The following ROCK2 variants were observed in gnomAD, a reference collection of about 807,000 sequenced individuals.
ROCK2 encodes the protein Rho associated coiled-coil containing protein kinase 2.
ROCK2 carries 61 observed loss-of-function variants against 195.1 expected under a neutral mutation model. The ratio of observed to expected loss-of-function variants is 0.31; its 90% CI spans 0.25 to 0.39. The LOEUF is 0.39. Ranked by LOEUF, ROCK2 falls within the 10% of genes least tolerant of loss-of-function variation. ROCK2 has a pLI of 1.00. For synonymous variants in ROCK2, 504 were observed against 545.5 expected, an observed-to-expected ratio of 0.92 and a Z score of 1.06; for missense variants, 1,109 against 1,637.4, an observed-to-expected ratio of 0.68 and a Z score of 5.57.
At chr2:11,194,901 TAG>T (rs1572225818) in intron 28 of ROCK2, 52 bp downstream of exon 28, 10 of 1,013,624 alleles carry the variant, frequency 9.9e-6, no homozygotes, top group African/African-American at 1.6e-5. Context: ...GCCAAATGAC[TAG>T]AGTTAAAACA....
At chr2:11,189,091 C>T (rs1388854886) in intron 32 of ROCK2, among the ~76,000 whole-genome samples, 1 of 151,510 alleles carries the variant, frequency 6.6e-6, no homozygotes, top group African/African-American at 2.4e-5. Flanking sequence ...TGGCAGATGA[C>T]CACAAAGAAA....
At chr2:11,342,006 TACC>T (rs1390126210) in intron 1 of ROCK2, among the ~76,000 whole-genome samples, 1 of 152,172 alleles carries the variant, frequency 6.6e-6, no homozygotes, top group Admixed American at 6.5e-5. Context: ...CTGTATACGC[TACC>T]ACAATAAAAA....
chr2:11,283,743 A>G (rs1438618073), intron 3 of ROCK2, among the ~76,000 whole-genome samples: 1 of 152,360 alleles, frequency 6.6e-6, no homozygotes, highest in Non-Finnish European at 1.5e-5. Flanking sequence ...TTTGTCAGTT[A>G]TAACAGCGAC....
rs70953379 is a variant in ROCK2 at position 11,275,695 on chromosome 2, C to CTTT, written c.324+10841_324+10843dup. Among the ~76,000 whole-genome samples, 66 of 110,158 alleles carry CTTT rather than the reference C, an allele frequency of 6.0e-4. 1 individual carries two copies. The highest frequency in any genetic ancestry group is 7.9e-4 in the Non-Finnish European group (44 of 55,706). 72.3% of individuals were successfully genotyped at this position (110,158 alleles called of 152,430 possible). ...AACACATTTCACAAAATTCAACAAT[C>CTTT]TTTTTTTTTTTTTTTTTTTTTTGAG... On this transcript the variant is annotated intron_variant, in intron 3 of 32. Coordinates refer to ENST00000315872, the MANE Select transcript of ROCK2 (RefSeq NM_004850.5).
chr2:11,247,693 T>A (rs561470500), intron 4 of ROCK2, among the ~76,000 whole-genome samples: 1 of 152,206 alleles, frequency 6.6e-6, no homozygotes, highest in Non-Finnish European at 1.5e-5. Context: ...AAACAAATAC[T>A]TTACTGCAAT....
At chr2:11,238,673 C>T (rs1399696062) in intron 4 of ROCK2, among the ~76,000 whole-genome samples, 1 of 152,156 alleles carries the variant, frequency 6.6e-6, no homozygotes, top group Admixed American at 6.5e-5. Flanking sequence ...CAAAGTGAGA[C>T]TGTGTCTCTA....
chr2:11,243,026 A>C lies in ROCK2; in HGVS notation c.462+6635T>G, dbSNP rs7576656. On this transcript the variant is annotated intron_variant, in intron 4 of 32. Coordinates refer to ENST00000315872, the MANE Select transcript of ROCK2 (RefSeq NM_004850.5). ...ACTTTCTAGTGCCTGGGACCCTAGG[A>C]ACCTGTGGTTGGTAACACAAACAGG... Among the ~76,000 whole-genome samples the C allele has an allele frequency of 5.9e-3, 897 of 152,246 alleles. 2 individuals are homozygous for C. Among genetic ancestry groups the C allele is most frequent in the African/African-American group, 0.021 (868 of 41,538 alleles).
intron 20 of ROCK2, 44 bp downstream of exon 20, chr2:11,207,682 A>C: frequency 6.9e-7 from 1 of 1,444,260 alleles, no homozygotes; most frequent in Non-Finnish European, 9.4e-7. Context: ...TAACTTATAC[A>C]TGGATAATTA....
intron 1 of ROCK2, among the ~76,000 whole-genome samples, chr2:11,298,469 C>CA (rs771356019): frequency 0.08 from 3,236 of 40,662 alleles, 96 homozygotes; most frequent in African/African-American, 0.11. Flanking sequence ...GACTCCATCT[C>CA]AAAAAAAAAA....
chr2:11,344,929 C>T (rs1669251696), upstream of ROCK2, among the ~76,000 whole-genome samples: 1 of 121,300 alleles, frequency 8.2e-6, no homozygotes, highest in South Asian at 2.9e-4. This position sits in a 1 kb window ranked among gnomAD's most constrained non-coding sequence, Gnocchi z 5.4. Context: ...CCGCGCGCCC[C>T]CTGCCCCTCC....
chr2:11,251,786 G>C (rs1259855013), intron 3 of ROCK2, among the ~76,000 whole-genome samples: 1 of 151,642 alleles, frequency 6.6e-6, no homozygotes, highest in East Asian at 2.0e-4. Flanking sequence ...CTAATAACCA[G>C]AATCTACAAG....
At chr2:11,343,761 G>A (rs1239098055) in intron 1 of ROCK2, among the ~76,000 whole-genome samples, 2 of 152,194 alleles carry the variant, frequency 1.3e-5, no homozygotes, top group African/African-American at 4.8e-5. Flanking sequence ...CAAGAAAGGA[G>A]CAGCCGGGGA....
At position 11,249,736 on chromosome 2, in the gene ROCK2, T is replaced by C. The variant is rs1297052243; in HGVS notation, c.387A>G (p.Ile129Met). ...AAAAAAAGGCAGAATCTGATCTTTT[T>C]ATCATTTCAAACTTACTAAGAAGCT... ...AMKLLSKFEM[I>M]KRSDSAFFWE... Residue 129 changes from isoleucine (I) to methionine (M), a missense_variant, in exon 4 of 33, where the codon ATA (isoleucine) becomes ATG (methionine). By Grantham distance (10) the Ile-to-Met change is conservative (BLOSUM62 1). Coordinates refer to ENST00000315872, the MANE Select transcript of ROCK2 (RefSeq NM_004850.5). The C allele has an allele frequency of 6.3e-7, 1 of 1,593,820 alleles. No homozygotes were observed. The highest frequency in any genetic ancestry group is 2.3e-5 in the East Asian group (1 of 44,218).
At chr2:11,332,679 G>A (rs2148268922) in intron 1 of ROCK2, among the ~76,000 whole-genome samples, 1 of 152,254 alleles carries the variant, frequency 6.6e-6, no homozygotes, top group East Asian at 1.9e-4. Flanking sequence ...TCAGAAAACA[G>A]TCTGCAGTTT....
chr2:11,316,113 C>T (rs928885177), intron 1 of ROCK2, among the ~76,000 whole-genome samples: 1 of 152,016 alleles, frequency 6.6e-6, no homozygotes, highest in Non-Finnish European at 1.5e-5. Context: ...ATACAACTAC[C>T]CTCAACTGGT....
At chr2:11,256,600 TTA>T (rs1666044360) in intron 3 of ROCK2, among the ~76,000 whole-genome samples, 1 of 150,206 alleles carries the variant, frequency 6.7e-6, no homozygotes, top group Admixed American at 6.6e-5. Flanking sequence ...TATACATAAG[TTA>T]TATAGTTTAA....
chr2:11,303,594 T>C (rs1667770106), intron 1 of ROCK2, among the ~76,000 whole-genome samples: 1 of 152,204 alleles, frequency 6.6e-6, no homozygotes, highest in African/African-American at 2.4e-5. Flanking sequence ...TGGAAACATG[T>C]TGTTATTTCT....
At chr2:11,218,322 A>G (rs1664502653) in intron 11 of ROCK2, 133 bp downstream of exon 11, 1 of 513,934 alleles carries the variant, frequency 1.9e-6, no homozygotes, top group Admixed American at 3.7e-5. Flanking sequence ...TACTTGGTAG[A>G]AGAAAGGTTG....
In ROCK2 at chr2:11,344,034, G is replaced by C. The variant is rs201281924; in HGVS notation, c.103C>G (p.Arg35Gly). 214 of 1,588,516 alleles carry C rather than the reference G, an allele frequency of 1.3e-4. 1 individual carries two copies. The highest frequency in any genetic ancestry group is 1.2e-4 in the Non-Finnish European group (143 of 1,168,776). The change falls in exon 1 of 33, where the codon CGA becomes GGA. Residue 35 changes from arginine to glycine, a missense_variant. Arg to Gly is a moderately radical substitution (Grantham distance 125). Transcript: ENST00000315872. The surrounding 1 kb of genome is among the most constrained non-coding windows in gnomAD (Gnocchi z 5.4). ...SRQRKLEALI[R>G]DPRSPINVES... ...ACGTTGATGGGGGAGCGAGGGTCTC[G>C]GATCAGCGCCTCCAGCTTCCTCTGG...
Sources: gnomAD v4.1 joint callset for allele counts (sites outside exome capture counted in the v4.1 genomes callset) on GRCh38, gnomAD v4.1.1 for gene constraint, Gnocchi (gnomAD v3.1) non-coding constraint, MANE v1.5 for transcripts, NCBI Gene and HGNC (gene_info 2026-07-23, HGNC 2026-07-21) for gene names.